Variants in CSPP1 observed in about 807,000 individuals in gnomAD.
CSPP1 encodes centrosome and spindle pole-associated protein 1.
CSPP1 carries 126 observed loss-of-function variants against 164.4 expected under a neutral mutation model. The ratio of observed to expected loss-of-function variants is 0.77; its 90% CI spans 0.66 to 0.89. The LOEUF is 0.89. Among genes scored for constraint, CSPP1 ranks in the 40% least tolerant of loss-of-function variants. The pLI, the probability that CSPP1 is intolerant of heterozygous loss-of-function variation, is 0.00. For synonymous variants in CSPP1, 472 were observed against 476.7 expected (o/e 0.99, Z 0.13); for missense variants, 1,395 against 1,449.8 (o/e 0.96, Z 0.61).
intron 1 of CSPP1, among the ~76,000 whole-genome samples, chr8:67,073,607 A>C (rs530814508): frequency 5.3e-5 from 8 of 152,330 alleles, no homozygotes; most frequent in African/African-American, 1.7e-4. Flanking sequence ...TATGGACAAT[A>C]GATTAAAAAA....
chr8:67,100,023 C>G (rs1813707818), intron 7 of CSPP1, among the ~76,000 whole-genome samples: 2 of 152,020 alleles, frequency 1.3e-5, no homozygotes, highest in Non-Finnish European at 2.9e-5. Context: ...TGAATAGTAT[C>G]CCTAAGATTT....
intron 16 of CSPP1, chr8:67,135,324 A>T (rs976102458): frequency 6.7e-5 from 10 of 149,994 alleles, no homozygotes; most frequent in African/African-American, 2.0e-4. Context: ...TTTATTTTTT[A>T]TTTTTTTTTG....
chr8:67,091,821 A>G lies in CSPP1; in HGVS notation c.322A>G (p.Ser108Gly). The change falls in exon 5 of 31, where the codon AGT becomes GGT. Residue 108 changes from serine (S) to glycine (G), a missense_variant. Ser to Gly is a moderately conservative substitution (Grantham distance 56, BLOSUM62 0). Coordinates refer to ENST00000678616, the MANE Select transcript of CSPP1 (RefSeq NM_001382391.1). ...YLTQKNFLST[S>G]ETDPSTLGVS... ...TATACAGAAAAATTTTCTATCTACG[A>G]GTGAAACAGATCCATCTACTTTGGG... 7.5e-7 allele frequency: 1 copy of G among 1,338,602 alleles called. No individual in the cohort carries two copies. The highest frequency in any genetic ancestry group is 1.2e-5 in the South Asian group (1 of 83,944). 82.9% of individuals were successfully genotyped at this position (1,338,602 alleles called of 1,614,324 possible). A position where few individuals can be genotyped will look rare whatever the true frequency, so the allele number is the denominator to read the frequency against.
chr8:67,123,430 G>A (rs1388723387), intron 15 of CSPP1, among the ~76,000 whole-genome samples: 2 of 151,972 alleles, frequency 1.3e-5, no homozygotes, highest in East Asian at 3.8e-4. Context: ...CTGTTTGCAT[G>A]GTGTATGATT....
At chr8:67,130,354 G>C (rs1225404877) in intron 15 of CSPP1, among the ~76,000 whole-genome samples, 1 of 152,076 alleles carries the variant, frequency 6.6e-6, no homozygotes, top group African/African-American at 2.4e-5. Flanking sequence ...TAGACGGGAG[G>C]GATCATGAGT....
In CSPP1 at chr8:67,195,635, A is replaced by G. The variant is rs1837788666; in HGVS notation, c.*42A>G. ...ACCCAGTAGTGCCTTTTAAGGTGAA[A>G]GGAATGGTAAATCTGTACCTTTAAT... is the stretch of plus-strand genomic sequence containing the variant. On this transcript the variant is annotated 3_prime_UTR_variant, in exon 31 of 31. Coordinates refer to ENST00000678616, the MANE Select transcript of CSPP1 (RefSeq NM_001382391.1). The G allele has an allele frequency of 6.4e-7, 1 of 1,555,546 alleles. No homozygotes were observed. The highest frequency in any genetic ancestry group is 8.8e-7 in the Non-Finnish European group (1 of 1,131,122).
intron 3 of CSPP1, among the ~76,000 whole-genome samples, chr8:67,077,945 A>G (rs1353284421): frequency 1.3e-5 from 2 of 152,226 alleles, no homozygotes; most frequent in Non-Finnish European, 2.9e-5. Context: ...AATTATTAAT[A>G]TACAGCATTA....
rs201008264 is a variant in CSPP1, at chr8:67,190,714, C to T, written c.3285C>T (p.Pro1095=). ...TCCTCCCTCCACCATCACAGTTGCCCTCTGCACGGGAGCGCAGGAGGAACA... is the reference window on the plus strand; with the variant it reads ...TCCTCCCTCCACCATCACAGTTGCCTTCTGCACGGGAGCGCAGGAGGAACA... ...DDVLPPPSQL[P]SARERRRNKW... The change falls in exon 29 of 31, where the codon CCC becomes CCT. Residue 1095 remains proline, a synonymous_variant. Coordinates refer to ENST00000678616, the MANE Select transcript of CSPP1 (RefSeq NM_001382391.1). 498 of 1,614,100 alleles carry T rather than the reference C, an allele frequency of 3.1e-4. 1 individual carries two copies. The African/African-American group carries it at 5.3e-3, about 17-fold the overall frequency.
At chr8:67,077,170 G>GTCTCTC (rs141841739) in intron 3 of CSPP1, among the ~76,000 whole-genome samples, 1 of 149,010 alleles carries the variant, frequency 6.7e-6, no homozygotes, top group African/African-American at 2.4e-5. Flanking sequence ...TAAAGACAGG[G>GTCTCTC]TCTCTCTCTC....
intron 17 of CSPP1, among the ~76,000 whole-genome samples, chr8:67,145,003 T>G (rs1300390894): frequency 7.3e-6 from 1 of 136,838 alleles, no homozygotes; most frequent in African/African-American, 2.8e-5. Context: ...ACCCAGGAGG[T>G]GGAGGTTGCA....
At chr8:67,070,991 A>G (rs1249443433) in intron 1 of CSPP1, among the ~76,000 whole-genome samples, 2 of 152,064 alleles carry the variant, frequency 1.3e-5, no homozygotes, top group African/African-American at 4.8e-5. Context: ...CCTGCGCTCA[A>G]GTGATCCCAC....
intron 3 of CSPP1, among the ~76,000 whole-genome samples, chr8:67,084,593 G>T (rs1197671490): frequency 6.6e-6 from 1 of 151,876 alleles, no homozygotes. Context: ...GAAAGTTTTG[G>T]CCAGGCGTGG....
intron 15 of CSPP1, among the ~76,000 whole-genome samples, chr8:67,127,884 A>G (rs1406249315): frequency 3.3e-5 from 5 of 152,220 alleles, no homozygotes; most frequent in African/African-American, 1.2e-4. Flanking sequence ...CTTACAAACC[A>G]ATGACTTTCA....
chr8:67,171,309 G>A (rs534904132), intron 24 of CSPP1, among the ~76,000 whole-genome samples: 64 of 151,620 alleles, frequency 4.2e-4, no homozygotes, highest in African/African-American at 1.5e-3. Context: ...GCTGAGGCAG[G>A]AGAATTGCTT....
chr8:67,151,885 C>T (rs1269843860), intron 18 of CSPP1, among the ~76,000 whole-genome samples: 1 of 151,480 alleles, frequency 6.6e-6, no homozygotes, highest in Non-Finnish European at 1.5e-5. Context: ...GCCAGGAGAT[C>T]GAGACCATCC....
chr8:67,082,380 T>G (rs762708196), intron 3 of CSPP1, among the ~76,000 whole-genome samples: 8 of 152,184 alleles, frequency 5.3e-5, no homozygotes, highest in Non-Finnish European at 1.2e-4. Flanking sequence ...CCTCTTTGTC[T>G]TAGGTTTATC....
chr8:67,139,470 T>C (rs954395510), intron 17 of CSPP1, among the ~76,000 whole-genome samples: 7 of 152,144 alleles, frequency 4.6e-5, no homozygotes, highest in African/African-American at 1.7e-4. Flanking sequence ...AAATACCATT[T>C]GACCCAGCCA....
At chr8:67,113,957 A>G (rs2129550419) in intron 11 of CSPP1, 95 bp downstream of exon 11, 2 of 684,836 alleles carry the variant, frequency 2.9e-6, no homozygotes, top group South Asian at 3.9e-5. Flanking sequence ...GGAGAAAAAG[A>G]GAGTAGACCA....
chr8:67,185,890 A>G (rs981339727), intron 28 of CSPP1, among the ~76,000 whole-genome samples: 11 of 152,340 alleles, frequency 7.2e-5, no homozygotes, highest in African/African-American at 2.6e-4. Context: ...CAAAAGGACA[A>G]GAATCCTTCA....
Sources: allele counts gnomAD v4.1 joint callset (sites outside exome capture counted in the v4.1 genomes callset), GRCh38; gene constraint gnomAD v4.1.1; transcripts MANE v1.5; gene names NCBI Gene and HGNC (gene_info 2026-07-23, HGNC 2026-07-21).